HDGFL3: variants seen among roughly 807,000 people sequenced by gnomAD.
HDGFL3 encodes hepatoma-derived growth factor-related protein 3.
A neutral mutation model predicts 27.6 loss-of-function variants in HDGFL3; 6 were observed. The observed-to-expected ratio is 0.22, with a 90% CI of 0.12 to 0.43. The LOEUF (loss-of-function observed/expected upper bound fraction) is 0.43, where lower values mean the gene tolerates loss of function less well. HDGFL3 is among the 20% of genes least tolerant of loss of function. The pLI is 1.00. For synonymous variants in HDGFL3, 88 were observed against 88.9 expected (o/e 0.99, Z 0.05); for missense variants, 207 against 250.1 (o/e 0.83, Z 1.16).
chr15:83,140,043 T>G (rs1203319556), intron 5 of HDGFL3, among the ~76,000 whole-genome samples: 1 of 152,092 alleles, frequency 6.6e-6, no homozygotes, highest in African/African-American at 2.4e-5. Flanking sequence ...AACTCAGCCC[T>G]CAAATATTTT....
intron 5 of HDGFL3, among the ~76,000 whole-genome samples, chr15:83,147,982 T>C (rs1405040440): frequency 2.0e-5 from 3 of 152,094 alleles, no homozygotes; most frequent in Non-Finnish European, 2.9e-5. Flanking sequence ...AAACACGCGC[T>C]GTACAGAAGA....
At chr15:83,187,184 ATTGT>A (rs937410547) in intron 1 of HDGFL3, among the ~76,000 whole-genome samples, 4 of 146,342 alleles carry the variant, frequency 2.7e-5, no homozygotes, top group African/African-American at 5.3e-5. Context: ...AAACAGAGAC[ATTGT>A]TTGTTTGTTA....
chr15:83,157,258 T>C (rs986100383), intron 4 of HDGFL3, 157 bp downstream of exon 4: 16 of 717,440 alleles, frequency 2.2e-5, no homozygotes, highest in South Asian at 7.5e-5. Flanking sequence ...ATATCTAAGG[T>C]TACCTGACTT....
At chr15:83,201,523 C>T (rs1193237908) in intron 1 of HDGFL3, among the ~76,000 whole-genome samples, 5 of 152,072 alleles carry the variant, frequency 3.3e-5, no homozygotes, top group East Asian at 1.9e-4. Flanking sequence ...TAAATATATT[C>T]GGGCTAGTCT....
downstream of HDGFL3, chr15:83,127,537 T>C: frequency 9.4e-6 from 15 of 1,587,600 alleles, no homozygotes; most frequent in Admixed American, 3.5e-5. Flanking sequence ...TTGTTGAATA[T>C]ATGAAAAACT....
At chr15:83,186,957 A>G (rs548145968) in intron 1 of HDGFL3, among the ~76,000 whole-genome samples, 42 of 152,314 alleles carry the variant, frequency 2.8e-4, no homozygotes, top group African/African-American at 7.5e-4. Flanking sequence ...TCTGATCAAT[A>G]TTAGCATTCT....
rs868305678 is a variant in HDGFL3 at position 83,134,674 on chromosome 15, A to C, written c.*4596T>G. 1.3e-5 allele frequency: 2 copies of C among 152,220 alleles called. No homozygotes were observed. The highest frequency in any genetic ancestry group is 2.9e-5 in the Non-Finnish European group (2 of 68,054). The allele number at this position is 152,220 out of a possible 1,614,324, so 9.4% of individuals were successfully genotyped here. On this transcript the variant is annotated 3_prime_UTR_variant, in exon 6 of 6. Coordinates refer to ENST00000299633, the MANE Select transcript of HDGFL3 (RefSeq NM_016073.4). ...CACAACTGCTCATATTTATTCTCTCAAAGTATGGTTGGCATTTCCCCAAAT... is the reference window on the plus strand; with the variant it reads ...CACAACTGCTCATATTTATTCTCTCCAAGTATGGTTGGCATTTCCCCAAAT...
chr15:83,175,345 T>G (rs1034687900), intron 1 of HDGFL3, among the ~76,000 whole-genome samples: 1 of 152,194 alleles, frequency 6.6e-6, no homozygotes, highest in Non-Finnish European at 1.5e-5. Flanking sequence ...GTTTTTAACT[T>G]TTTTGAAAAT....
chr15:83,167,077 G>C (rs976244261), intron 1 of HDGFL3, among the ~76,000 whole-genome samples: 1 of 152,144 alleles, frequency 6.6e-6, no homozygotes, highest in African/African-American at 2.4e-5. Flanking sequence ...GCACAGAGTG[G>C]CAGCTTGGAT....
intron 5 of HDGFL3, among the ~76,000 whole-genome samples, chr15:83,146,602 G>C (rs1241095580): frequency 6.6e-6 from 1 of 151,964 alleles, no homozygotes; most frequent in Non-Finnish European, 1.5e-5. Flanking sequence ...TTGATTCCCT[G>C]GCCTCTAATC....
At chr15:83,160,376 G>A (rs2037084705) in intron 2 of HDGFL3, among the ~76,000 whole-genome samples, 1 of 151,946 alleles carries the variant, frequency 6.6e-6, no homozygotes, top group Non-Finnish European at 1.5e-5. Context: ...TGATAGAGAC[G>A]GGGTTTCACC....
At position 83,147,527 on chromosome 15, in the gene HDGFL3, T is replaced by C. The variant is rs370972818; in HGVS notation, c.606+3688A>G. On this transcript the variant is annotated intron_variant, in intron 5 of 5. Transcript: ENST00000299633. ...ATCCCAGACCATGACTATTAAATAT[T>C]TGAAAACTAAAACTATTCAATTAGC... is the stretch of plus-strand genomic sequence containing the variant. Among the ~76,000 whole-genome samples, 10 of 152,268 alleles carry C rather than the reference T, an allele frequency of 6.6e-5. No individual in the cohort carries two copies. The East Asian group carries it at 1.9e-3, about 29-fold the overall frequency.
At chr15:83,112,862 TC>T in exon 4 of HDGFL3, 1 of 1,614,150 alleles carries the variant, frequency 6.2e-7, no homozygotes, top group Non-Finnish European at 8.5e-7. Context: ...GCTCGTGTCC[TC>T]GTCAAAAGAA....
At chr15:83,126,749 C>T, downstream of HDGFL3, 2 of 1,606,966 alleles carry the variant, frequency 1.2e-6, no homozygotes, top group Non-Finnish European at 1.7e-6. Context: ...TTATTTTTGT[C>T]CTTAGATTGC....
chr15:83,139,351 T>C (rs8043224), intron 5 of HDGFL3, 76 bp from the exon 6 acceptor site: 191,656 of 861,924 alleles, frequency 0.22, 22,742 homozygotes, highest in African/African-American at 0.34. Context: ...TATCCACACC[T>C]AGATAGTACA....
At chr15:83,142,439 C>A (rs1370605375) in intron 5 of HDGFL3, among the ~76,000 whole-genome samples, 1 of 152,126 alleles carries the variant, frequency 6.6e-6, no homozygotes, top group Non-Finnish European at 1.5e-5. Context: ...AAACCAGATA[C>A]CGCGTGTTCT....
At chr15:83,199,036 C>G (rs1231480077) in intron 1 of HDGFL3, among the ~76,000 whole-genome samples, 1 of 152,216 alleles carries the variant, frequency 6.6e-6, no homozygotes, top group African/African-American at 2.4e-5. Flanking sequence ...AGCCGTTAGA[C>G]TGCAATCAAT....
intron 1 of HDGFL3, among the ~76,000 whole-genome samples, chr15:83,196,061 C>T (rs1053252586): frequency 6.6e-6 from 1 of 150,426 alleles, no homozygotes; most frequent in Admixed American, 6.6e-5. Flanking sequence ...AATAAACGGT[C>T]AAAAAAAGGG....
chr15:83,154,849 T>A (rs1044489168), intron 4 of HDGFL3, among the ~76,000 whole-genome samples: 1 of 152,202 alleles, frequency 6.6e-6, no homozygotes, highest in African/African-American at 2.4e-5. Flanking sequence ...TTCATTGATA[T>A]TAAAAATAAA....
Sources: allele counts gnomAD v4.1 joint callset (sites outside exome capture counted in the v4.1 genomes callset), GRCh38; gene constraint gnomAD v4.1.1; transcripts MANE v1.5; gene names NCBI Gene and HGNC (gene_info 2026-07-23, HGNC 2026-07-21).